Variants in SLC35F3 observed in about 807,000 individuals in gnomAD.
SLC35F3 encodes putative thiamine transporter SLC35F3.
A neutral mutation model predicts 49.9 loss-of-function variants in SLC35F3; 25 were observed. That is an observed-to-expected ratio of 0.50 (90% CI 0.37 to 0.70). The LOEUF is 0.70. SLC35F3 is among the 30% of genes least tolerant of loss of function. SLC35F3 has a pLI of 0.00. For missense variants in SLC35F3, 525 were observed against 639.8 expected (o/e 0.82, Z 1.94); for synonymous variants, 275 against 265.4 (o/e 1.04, Z -0.35).
At chr1:234,108,256 T>TC (rs71170457) in intron 2 of SLC35F3, among the ~76,000 whole-genome samples, 1 of 40,438 alleles carries the variant, frequency 2.5e-5, no homozygotes, top group Admixed American at 2.1e-4. Flanking sequence ...AAGATATATA[T>TC]ATTTATATAT....
intron 3 of SLC35F3, among the ~76,000 whole-genome samples, chr1:234,253,761 C>G (rs1667775269): frequency 6.6e-6 from 1 of 152,100 alleles, no homozygotes; most frequent in South Asian, 2.1e-4. Flanking sequence ...GGCACATACC[C>G]AAGGCTGAAT....
intron 2 of SLC35F3, among the ~76,000 whole-genome samples, chr1:233,921,808 C>G (rs558648173): frequency 6.8e-6 from 1 of 147,638 alleles, no homozygotes; most frequent in Non-Finnish European, 1.5e-5. Context: ...CCCCCTCCCC[C>G]CAACAGGCCC....
chr1:233,985,320 G>C (rs959030092), intron 2 of SLC35F3, among the ~76,000 whole-genome samples: 1 of 152,220 alleles, frequency 6.6e-6, no homozygotes, highest in African/African-American at 2.4e-5. Flanking sequence ...TTGTCATGTA[G>C]CTTCTGTTTG....
intron 2 of SLC35F3, among the ~76,000 whole-genome samples, chr1:234,069,914 C>A (rs1664687562): frequency 6.6e-6 from 1 of 152,168 alleles, no homozygotes; most frequent in South Asian, 2.1e-4. Context: ...CTTCTGTGTG[C>A]CTGGAGGATA....
chr1:234,308,448 A>T (rs150311661), intron 3 of SLC35F3, among the ~76,000 whole-genome samples: 1 of 147,680 alleles, frequency 6.8e-6, no homozygotes, highest in Non-Finnish European at 1.5e-5. Context: ...ACATTATGAG[A>T]TTTTTTTTTT....
chr1:234,169,961 G>T lies in SLC35F3; in HGVS notation c.284-61456G>T, dbSNP rs143104489. On this transcript the variant is annotated intron_variant, in intron 2 of 7. Transcript: ENST00000366618. ...TTTTTGTATTTTTAGTGGAGACGGG[G>T]TTTCACCGTGTTAGCCAGGATGGTC... Among the ~76,000 whole-genome samples, 1,105 of 152,226 alleles carry T rather than the reference G, an allele frequency of 7.3e-3. 19 individuals carry two copies. The highest frequency in any genetic ancestry group is 0.025 in the African/African-American group (1,047 of 41,536).
chr1:234,017,259 T>G (rs879557817), intron 2 of SLC35F3, among the ~76,000 whole-genome samples: 1 of 152,132 alleles, frequency 6.6e-6, no homozygotes, highest in Non-Finnish European at 1.5e-5. Flanking sequence ...TAATTCTCAT[T>G]ATTCAAGTGG....
intron 2 of SLC35F3, among the ~76,000 whole-genome samples, chr1:234,113,811 C>T (rs1380540448): frequency 2.6e-5 from 4 of 152,116 alleles, no homozygotes; most frequent in Admixed American, 2.0e-4. Context: ...TGCAGCAAGC[C>T]GAGATCGTGC....
chr1:233,973,130 G>C (rs994855567), intron 2 of SLC35F3, among the ~76,000 whole-genome samples: 1 of 152,232 alleles, frequency 6.6e-6, no homozygotes, highest in Non-Finnish European at 1.5e-5. Context: ...CATCTGCAGG[G>C]TGCATTAGTC....
intron 2 of SLC35F3, among the ~76,000 whole-genome samples, chr1:234,112,185 A>G (rs1665417091): frequency 6.6e-6 from 1 of 152,128 alleles, no homozygotes; most frequent in Non-Finnish European, 1.5e-5. Flanking sequence ...AAAAATAAAA[A>G]TAAAAAAGAA....
intron 4 of SLC35F3, among the ~76,000 whole-genome samples, chr1:234,312,510 G>T (rs487587): frequency 0.34 from 51,757 of 152,062 alleles, 10,540 homozygotes; most frequent in African/African-American, 0.57. Context: ...CTGACTCCCT[G>T]CTGTGTGGGG....
At chr1:234,117,527 G>A (rs1201933225) in intron 2 of SLC35F3, among the ~76,000 whole-genome samples, 2 of 151,654 alleles carry the variant, frequency 1.3e-5, no homozygotes, top group South Asian at 4.2e-4. Context: ...GGGAGATGGA[G>A]GTTGCAGTGA....
intron 2 of SLC35F3, among the ~76,000 whole-genome samples, chr1:234,057,319 T>C (rs1664471681): frequency 6.6e-6 from 1 of 152,230 alleles, no homozygotes; most frequent in South Asian, 2.1e-4. Flanking sequence ...TTCATTTAAA[T>C]CTTATTTAAT....
chr1:234,005,078 A>G (rs1343440748), intron 2 of SLC35F3, among the ~76,000 whole-genome samples: 1 of 152,192 alleles, frequency 6.6e-6, no homozygotes, highest in African/African-American at 2.4e-5. Context: ...AAGTCTTTTA[A>G]AAAGATTTTA....
chr1:234,152,553 G>A (rs1008729640), intron 2 of SLC35F3, among the ~76,000 whole-genome samples: 6 of 152,110 alleles, frequency 3.9e-5, no homozygotes, highest in Non-Finnish European at 8.8e-5. Context: ...CAAAGGACAT[G>A]AACTCATCCT....
chr1:233,959,201 C>T (rs1294575210), intron 2 of SLC35F3, among the ~76,000 whole-genome samples: 8 of 151,870 alleles, frequency 5.3e-5, no homozygotes, highest in Admixed American at 4.6e-4. Context: ...TATAAAGTAG[C>T]GTACAGTAGT....
chr1:233,952,035 C>G (rs1468141222), intron 2 of SLC35F3, among the ~76,000 whole-genome samples: 2 of 151,998 alleles, frequency 1.3e-5, no homozygotes, highest in Non-Finnish European at 2.9e-5. Flanking sequence ...CCTATACTTT[C>G]TTTTCATTTT....
intron 2 of SLC35F3, among the ~76,000 whole-genome samples, chr1:233,945,126 C>G (rs4506523): frequency 2.6e-5 from 4 of 151,358 alleles, no homozygotes; most frequent in Admixed American, 2.6e-4. Context: ...AATTTTCATT[C>G]GGTTAGTGAT....
rs190774623 is a variant in SLC35F3, at chr1:234,165,172, T to G, written c.284-66245T>G. Reference sequence around the variant, plus strand: ...TATAGCGTATATATAGCATTGAATATAGTTACGGCTTGTTTAAATCTCAGA... The same window carrying G: ...TATAGCGTATATATAGCATTGAATAGAGTTACGGCTTGTTTAAATCTCAGA... On this transcript the variant is annotated intron_variant, in intron 2 of 7. Transcript: ENST00000366618. Among the ~76,000 whole-genome samples, 3 of 152,284 alleles carry G rather than the reference T, an allele frequency of 2.0e-5. No homozygotes were observed. In the East Asian group the frequency reaches 5.8e-4, roughly 29 times the overall value.
Sources: allele counts gnomAD v4.1 joint callset (sites outside exome capture counted in the v4.1 genomes callset), GRCh38; gene constraint gnomAD v4.1.1; transcripts MANE v1.5; gene names NCBI Gene and HGNC (gene_info 2026-07-23, HGNC 2026-07-21).